The following SLC25A21 variants were observed in gnomAD, a reference collection of about 807,000 sequenced individuals.
SLC25A21 encodes mitochondrial 2-oxodicarboxylate carrier.
SLC25A21 carries 47 observed loss-of-function variants against 43.8 expected under a neutral mutation model. The ratio of observed to expected loss-of-function variants is 1.07; its 90% CI spans 0.85 to 1.37. SLC25A21 has a LOEUF of 1.37. Among genes scored for constraint, SLC25A21 ranks in the 40% most tolerant of loss-of-function variants. The pLI is 0.00. For missense variants in SLC25A21, 352 were observed against 350.2 expected, an observed-to-expected ratio of 1.00 and a Z score of -0.04; for synonymous variants, 131 against 121.3, an observed-to-expected ratio of 1.08 and a Z score of -0.52.
intron 1 of SLC25A21, among the ~76,000 whole-genome samples, chr14:37,103,269 A>G (rs1255982725): frequency 2.0e-5 from 3 of 152,220 alleles, no homozygotes; most frequent in African/African-American, 7.2e-5. Flanking sequence ...TAAAAGATTT[A>G]GAGGGATTAC....
At chr14:37,026,690 T>C (rs1011234248) in intron 1 of SLC25A21, among the ~76,000 whole-genome samples, 2 of 152,198 alleles carry the variant, frequency 1.3e-5, no homozygotes, top group African/African-American at 4.8e-5. Context: ...AATGCTATTA[T>C]GTATTGTGAC....
chr14:36,711,767 A>G (rs889549988), intron 6 of SLC25A21, among the ~76,000 whole-genome samples: 1 of 152,248 alleles, frequency 6.6e-6, no homozygotes, highest in Non-Finnish European at 1.5e-5. Context: ...CACTTTCAAC[A>G]TGTAAGTAAT....
At chr14:36,743,792 T>C (rs1265864920) in intron 3 of SLC25A21, among the ~76,000 whole-genome samples, 3 of 152,080 alleles carry the variant, frequency 2.0e-5, no homozygotes, top group Non-Finnish European at 4.4e-5. Flanking sequence ...ATTTTATACC[T>C]AGAAACCACA....
At chr14:37,155,646 C>A (rs987555205) in intron 1 of SLC25A21, among the ~76,000 whole-genome samples, 3 of 152,010 alleles carry the variant, frequency 2.0e-5, no homozygotes, top group Non-Finnish European at 4.4e-5. Context: ...GTGATAGTGG[C>A]AAGAGAAAAA....
At chr14:36,943,156 C>T (rs1006564887) in intron 1 of SLC25A21, among the ~76,000 whole-genome samples, 1 of 152,078 alleles carries the variant, frequency 6.6e-6, no homozygotes, top group Non-Finnish European at 1.5e-5. Flanking sequence ...AGAAAGAATT[C>T]TATTATATTT....
At chr14:36,852,138 G>T (rs1889759639) in intron 2 of SLC25A21, among the ~76,000 whole-genome samples, 1 of 152,060 alleles carries the variant, frequency 6.6e-6, no homozygotes, top group African/African-American at 2.4e-5. Context: ...ATCCAAATGA[G>T]CATTCTATGT....
At chr14:36,759,984 A>C (rs1886082687) in intron 3 of SLC25A21, among the ~76,000 whole-genome samples, 1 of 152,044 alleles carries the variant, frequency 6.6e-6, no homozygotes, top group Non-Finnish European at 1.5e-5. Flanking sequence ...AATAGAAAGA[A>C]ATTGCTAAGT....
chr14:36,693,564 T>C (rs1415130263), intron 7 of SLC25A21, among the ~76,000 whole-genome samples: 2 of 152,254 alleles, frequency 1.3e-5, no homozygotes, highest in African/African-American at 2.4e-5. Context: ...GACTTGATTA[T>C]AGTTCATGTA....
chr14:36,679,485 T>C lies in SLC25A21; in HGVS notation c.*1173A>G, dbSNP rs577607715. ...GACTTTCAGTTATTCTTGTTGACTTTACTGAATCAGCATCATCTCTGGATG... is the reference window on the plus strand; with the variant it reads ...GACTTTCAGTTATTCTTGTTGACTTCACTGAATCAGCATCATCTCTGGATG... On this transcript the variant is annotated 3_prime_UTR_variant, in exon 10 of 10. Coordinates refer to ENST00000331299, the MANE Select transcript of SLC25A21 (RefSeq NM_030631.4). 6 of 985,436 alleles carry C rather than the reference T, an allele frequency of 6.1e-6. No individual in the cohort carries two copies. In the African/African-American group the frequency reaches 1.0e-4, roughly 17 times the overall value. The allele number at this position is 985,436 out of a possible 1,614,324, so 61.0% of individuals were successfully genotyped here. A position where few individuals can be genotyped will look rare whatever the true frequency, so the allele number is the denominator to read the frequency against.
chr14:37,048,625 A>G (rs1961639574), intron 1 of SLC25A21, among the ~76,000 whole-genome samples: 1 of 152,170 alleles, frequency 6.6e-6, no homozygotes, highest in Non-Finnish European at 1.5e-5. Flanking sequence ...GGAGGAGCCT[A>G]TATTATAAAT....
At chr14:37,168,478 C>T (rs1294585871) in intron 1 of SLC25A21, among the ~76,000 whole-genome samples, 1 of 152,026 alleles carries the variant, frequency 6.6e-6, no homozygotes, top group Non-Finnish European at 1.5e-5. Flanking sequence ...ACCTATTGCC[C>T]ATTTCATGGT....
intron 1 of SLC25A21, among the ~76,000 whole-genome samples, chr14:37,107,682 T>C (rs938664509): frequency 6.6e-6 from 1 of 152,098 alleles, no homozygotes; most frequent in African/African-American, 2.4e-5. Flanking sequence ...CCCATTTCAC[T>C]GAAAAAGAAA....
intron 4 of SLC25A21, 112 bp downstream of exon 4, chr14:36,734,395 T>C: frequency 1.5e-6 from 1 of 651,614 alleles, no homozygotes; most frequent in Non-Finnish European, 2.4e-6. Flanking sequence ...AATTTCTGCA[T>C]TAAAATTTTT....
intron 3 of SLC25A21, among the ~76,000 whole-genome samples, chr14:36,743,511 C>A (rs943245657): frequency 6.6e-6 from 1 of 152,016 alleles, no homozygotes; most frequent in Non-Finnish European, 1.5e-5. Flanking sequence ...CAAAAAAAGT[C>A]CTTCACCAGA....
At chr14:36,969,432 G>C (rs1345921684) in intron 1 of SLC25A21, among the ~76,000 whole-genome samples, 1 of 152,116 alleles carries the variant, frequency 6.6e-6, no homozygotes, top group Non-Finnish European at 1.5e-5. Context: ...TCTGACTTTT[G>C]CTGTCAACTG....
intron 1 of SLC25A21, among the ~76,000 whole-genome samples, chr14:36,898,874 G>A (rs1249290893): frequency 3.3e-5 from 5 of 152,174 alleles, no homozygotes; most frequent in African/African-American, 1.2e-4. Context: ...TGTACAACAT[G>A]ATGACTTTAA....
chr14:36,868,013 C>T (rs1594653135), intron 2 of SLC25A21, among the ~76,000 whole-genome samples: 1 of 151,864 alleles, frequency 6.6e-6, no homozygotes, highest in Admixed American at 6.6e-5. Context: ...AAGGACCATG[C>T]AAACTTGAAG....
At chr14:36,905,371 T>C (rs1023085146) in intron 1 of SLC25A21, among the ~76,000 whole-genome samples, 3 of 152,186 alleles carry the variant, frequency 2.0e-5, no homozygotes, top group Admixed American at 6.5e-5. Flanking sequence ...TCAATGCATA[T>C]TGAATCAATA....
intron 3 of SLC25A21, among the ~76,000 whole-genome samples, chr14:36,754,932 G>T (rs1008219453): frequency 6.6e-6 from 1 of 152,114 alleles, no homozygotes; most frequent in African/African-American, 2.4e-5. Flanking sequence ...GAGAAAAATT[G>T]AATTTAGAAA....
Sources: gnomAD v4.1 joint callset for allele counts (sites outside exome capture counted in the v4.1 genomes callset) on GRCh38, gnomAD v4.1.1 for gene constraint, MANE v1.5 for transcripts, NCBI Gene and HGNC (gene_info 2026-07-23, HGNC 2026-07-21) for gene names.